Variants in IMMP2L observed in about 807,000 individuals in gnomAD.
IMMP2L encodes the protein mitochondrial inner membrane protease subunit 2.
IMMP2L carries 18 observed loss-of-function variants against 19.3 expected under a neutral mutation model. The observed-to-expected ratio is 0.93, with a 90% CI of 0.64 to 1.38. The LOEUF is 1.38. Ranked by LOEUF, IMMP2L falls within the 40% of genes most tolerant of loss-of-function variation. The pLI is 0.00. For missense variants in IMMP2L, 233 were observed against 218.2 expected (o/e 1.07, Z -0.43); for synonymous variants, 76 against 73.0 (o/e 1.04, Z -0.21).
At chr7:111,324,255 A>T (rs1214383555) in intron 3 of IMMP2L, among the ~76,000 whole-genome samples, 1 of 151,962 alleles carries the variant, frequency 6.6e-6, no homozygotes, top group Non-Finnish European at 1.5e-5. Context: ...ACACAAAGTG[A>T]AAAATAACAA....
At chr7:110,792,713 AG>A (rs1324000915) in intron 5 of IMMP2L, among the ~76,000 whole-genome samples, 1 of 152,084 alleles carries the variant, frequency 6.6e-6, no homozygotes, top group Non-Finnish European at 1.5e-5. Flanking sequence ...TTACAAAAAA[AG>A]GTCACTCTTA....
At chr7:111,333,901 A>G (rs958782579) in intron 3 of IMMP2L, among the ~76,000 whole-genome samples, 3 of 152,074 alleles carry the variant, frequency 2.0e-5, no homozygotes, top group African/African-American at 7.2e-5. Flanking sequence ...ATACACCTTA[A>G]TAAACTCCGC....
At chr7:111,536,894 T>C (rs765081770) in intron 1 of IMMP2L, among the ~76,000 whole-genome samples, 4 of 152,072 alleles carry the variant, frequency 2.6e-5, no homozygotes, top group Non-Finnish European at 4.4e-5. Flanking sequence ...TCATTAGTAG[T>C]ACTATTATAC....
At chr7:111,118,026 G>A (rs1800103014) in intron 3 of IMMP2L, among the ~76,000 whole-genome samples, 1 of 152,052 alleles carries the variant, frequency 6.6e-6, no homozygotes, top group African/African-American at 2.4e-5. Context: ...TTTTTCATAA[G>A]TATCACAAAA....
At chr7:111,113,798 T>C (rs1408499107) in intron 3 of IMMP2L, among the ~76,000 whole-genome samples, 1 of 152,118 alleles carries the variant, frequency 6.6e-6, no homozygotes, top group Admixed American at 6.5e-5. Flanking sequence ...CCAAATCTAG[T>C]TGGAAATTCC....
At chr7:111,064,215 A>G (rs2129574749) in intron 3 of IMMP2L, among the ~76,000 whole-genome samples, 1 of 152,314 alleles carries the variant, frequency 6.6e-6, no homozygotes, top group African/African-American at 2.4e-5. Flanking sequence ...ATCAGATCTC[A>G]TGGGATGCTT....
intron 3 of IMMP2L, among the ~76,000 whole-genome samples, chr7:111,045,043 A>G (rs960313738): frequency 6.6e-6 from 1 of 152,222 alleles, no homozygotes; most frequent in African/African-American, 2.4e-5. Context: ...TAATTAATAT[A>G]TAAATTCCAG....
intron 1 of IMMP2L, among the ~76,000 whole-genome samples, chr7:111,549,144 A>T (rs1849215127): frequency 6.6e-6 from 1 of 152,122 alleles, no homozygotes; most frequent in Non-Finnish European, 1.5e-5. Context: ...GGCAGTATTG[A>T]CTTGTTAGCC....
At chr7:110,683,766 C>T (rs1792907522) in intron 5 of IMMP2L, among the ~76,000 whole-genome samples, 2 of 152,228 alleles carry the variant, frequency 1.3e-5, no homozygotes, top group East Asian at 1.9e-4. Context: ...ATTGTTGTTA[C>T]ATTAGGAAAA....
intron 2 of IMMP2L, among the ~76,000 whole-genome samples, chr7:111,504,339 A>G (rs1292200592): frequency 6.6e-6 from 1 of 152,150 alleles, no homozygotes; most frequent in Non-Finnish European, 1.5e-5. Context: ...AACAAATGGA[A>G]GGGCATTCCA....
intron 3 of IMMP2L, among the ~76,000 whole-genome samples, chr7:111,030,104 C>T (rs1305601935): frequency 1.3e-5 from 2 of 152,108 alleles, no homozygotes. Flanking sequence ...ATATTGGATT[C>T]TGCCCCAGGA....
chr7:110,859,172 A>G (rs1203083465), intron 5 of IMMP2L, among the ~76,000 whole-genome samples: 1 of 152,084 alleles, frequency 6.6e-6, no homozygotes, highest in Non-Finnish European at 1.5e-5. Context: ...ATTTTGTGAT[A>G]AAAATGAGAG....
chr7:110,793,321 G>A (rs1800604128), intron 5 of IMMP2L, among the ~76,000 whole-genome samples: 1 of 152,010 alleles, frequency 6.6e-6, no homozygotes, highest in African/African-American at 2.4e-5. Flanking sequence ...TTGGGAGGCT[G>A]AGGCACGAGA....
intron 1 of IMMP2L, among the ~76,000 whole-genome samples, chr7:111,551,495 GGTGTGTGTGTGTGTGTGT>G (rs60697579): frequency 1.4e-5 from 2 of 145,354 alleles, no homozygotes; most frequent in African/African-American, 5.1e-5. Flanking sequence ...GACTGTTAGA[GGTGTGTGTGTGTGTGTGT>G]GTGTGTGTGT....
chr7:111,189,404 C>A (rs1808628812), intron 3 of IMMP2L, among the ~76,000 whole-genome samples: 1 of 150,212 alleles, frequency 6.7e-6, no homozygotes, highest in African/African-American at 2.4e-5. Flanking sequence ...CAAGGGCCTG[C>A]CAGAAAAGAA....
chr7:110,880,296 C>A (rs547809062), intron 5 of IMMP2L, among the ~76,000 whole-genome samples: 1 of 152,108 alleles, frequency 6.6e-6, no homozygotes, highest in South Asian at 2.1e-4. Context: ...TGATCTTTTT[C>A]AAATACAACC....
chr7:111,486,209 G>A lies in IMMP2L; in HGVS notation c.239+1029C>T, dbSNP rs764138838. Among the ~76,000 whole-genome samples the A allele has an allele frequency of 3.3e-5, 5 of 152,106 alleles. 1 individual carries two copies. The highest frequency in any genetic ancestry group is 4.8e-5 in the African/African-American group (2 of 41,408). Reference sequence around the variant, plus strand: ...TGAATTTATTTCATTAGTCACTAACGAGATTTGGTTAATATGTTTTCAAAT... The same window carrying A: ...TGAATTTATTTCATTAGTCACTAACAAGATTTGGTTAATATGTTTTCAAAT... On this transcript the variant is annotated intron_variant, in intron 3 of 5. Coordinates refer to ENST00000405709, the MANE Select transcript of IMMP2L (RefSeq NM_032549.4).
chr7:111,178,114 A>G (rs926373971), intron 3 of IMMP2L, among the ~76,000 whole-genome samples: 7 of 152,076 alleles, frequency 4.6e-5, no homozygotes, highest in African/African-American at 1.7e-4. Flanking sequence ...ATACAGGCGT[A>G]CCTTGGAGAT....
At chr7:110,860,073 C>T (rs1807235409) in intron 5 of IMMP2L, among the ~76,000 whole-genome samples, 1 of 152,032 alleles carries the variant, frequency 6.6e-6, no homozygotes, top group Non-Finnish European at 1.5e-5. Flanking sequence ...AGCTTCACCT[C>T]ATTCTGAACT....
Sources: gnomAD v4.1 joint callset for allele counts (sites outside exome capture counted in the v4.1 genomes callset) on GRCh38, gnomAD v4.1.1 for gene constraint, MANE v1.5 for transcripts, NCBI Gene and HGNC (gene_info 2026-07-23, HGNC 2026-07-21) for gene names.